KLKB1: variants seen among roughly 807,000 people sequenced by gnomAD.
The protein encoded by KLKB1 is kallikrein B1, also known as plasma kallikrein.
In KLKB1, 58 loss-of-function variants were observed where a neutral mutation model predicts 73.6. The ratio of observed to expected loss-of-function variants is 0.79; its 90% confidence interval spans 0.64 to 0.98. KLKB1 has a LOEUF of 0.98. Among genes scored for constraint, KLKB1 ranks in the 50% least tolerant of loss-of-function variants. The pLI, the probability that KLKB1 is intolerant of heterozygous loss-of-function variation, is 0.00. For missense variants in KLKB1, 737 were observed against 763.8 expected, an observed-to-expected ratio of 0.96 and a Z score of 0.41; for synonymous variants, 280 against 258.1, an observed-to-expected ratio of 1.08 and a Z score of -0.81.
intron 6 of KLKB1, among the ~76,000 whole-genome samples, chr4:186,244,809 G>A (rs1475684252): frequency 6.6e-6 from 1 of 152,194 alleles, no homozygotes; most frequent in African/African-American, 2.4e-5. Context: ...TGTAACAGGT[G>A]AGTGATAACA....
chr4:186,251,579 A>C lies in KLKB1; in HGVS notation c.961A>C (p.Thr321Pro). Residue 321 changes from threonine to proline, a missense_variant, in exon 9 of 15, where the codon ACT becomes CCT. By Grantham distance (38) the Thr-to-Pro change is conservative (BLOSUM62 -1). Transcript: ENST00000264690. ...TAAAGGAGTGAATGTTTGCCAAGAGACTTGCACAAAGATGATTCGCTGTCA... is the reference window on the plus strand; with the variant it reads ...TAAAGGAGTGAATGTTTGCCAAGAGCCTTGCACAAAGATGATTCGCTGTCA... ...FVKGVNVCQE[T>P]CTKMIRCQFF... is the part of the protein sequence containing the mutation. The C allele has an allele frequency of 6.2e-7, 1 of 1,614,032 alleles. No individual in the cohort carries two copies. Among genetic ancestry groups the C allele is most frequent in the East Asian group, 2.2e-5 (1 of 44,866 alleles).
At chr4:186,254,803 C>T (rs1738897883) in intron 12 of KLKB1, 40 bp downstream of exon 12, 1 of 1,538,924 alleles carries the variant, frequency 6.5e-7, no homozygotes, top group African/African-American at 1.4e-5. Flanking sequence ...CAGAATTGCG[C>T]TGGTTGATAT....
chr4:186,226,662 G>T (rs957280405), upstream of KLKB1, among the ~76,000 whole-genome samples: 1 of 152,234 alleles, frequency 6.6e-6, no homozygotes, highest in African/African-American at 2.4e-5. Context: ...AGTTCATGGG[G>T]ATAGGCCTGT....
At chr4:186,228,094 G>T in intron 1 of KLKB1, 101 bp from the exon 2 acceptor site, 1 of 743,524 alleles carries the variant, frequency 1.3e-6, no homozygotes. Context: ...GCTTTGTCTT[G>T]CAATTCAGAC....
At chr4:186,243,193 G>A (rs1261090504) in intron 6 of KLKB1, among the ~76,000 whole-genome samples, 2 of 122,098 alleles carry the variant, frequency 1.6e-5, no homozygotes, top group Non-Finnish European at 3.8e-5. Flanking sequence ...AGGAGGAGTG[G>A]AGTAGCAGAT....
intron 2 of KLKB1, among the ~76,000 whole-genome samples, chr4:186,215,454 C>T (rs1468117371): frequency 6.9e-6 from 1 of 144,854 alleles, no homozygotes; most frequent in African/African-American, 2.5e-5. Context: ...TGCTTGCTTT[C>T]CTTTTTTTTT....
chr4:186,238,129 A>T, intron 5 of KLKB1, 127 bp from the exon 6 acceptor site: 1 of 720,490 alleles, frequency 1.4e-6, no homozygotes, highest in Non-Finnish European at 2.5e-6. Context: ...AATAATGCAG[A>T]CCCCTAACCC....
At chr4:186,244,692 G>C (rs1057361603) in intron 6 of KLKB1, among the ~76,000 whole-genome samples, 3 of 152,180 alleles carry the variant, frequency 2.0e-5, no homozygotes, top group Admixed American at 2.0e-4. Flanking sequence ...AAGACAATTT[G>C]GTTAATGAGG....
chr4:186,245,820 TTTGG>T lies in KLKB1; in HGVS notation c.599-4420_599-4417del, dbSNP rs1295273241. Among the ~76,000 whole-genome samples, 252 of 115,732 alleles carry T rather than the reference TTTGG, an allele frequency of 2.2e-3. 40 individuals carry two copies. Among genetic ancestry groups the T allele is most frequent in the Middle Eastern group, 4.8e-3 (1 of 208 alleles). 75.9% of individuals were successfully genotyped at this position (115,732 alleles called of 152,430 possible). ...TTTTGGAGTTTTTTTTTGTTTGTTT[TTTGG>T]TTTTTTTTTTTTAATGTCAGGAGCT... On this transcript the variant is annotated intron_variant, in intron 6 of 14. Transcript: ENST00000264690.
At chr4:186,234,238 T>C (rs1351865449) in intron 4 of KLKB1, among the ~76,000 whole-genome samples, 180 bp downstream of exon 4, 1 of 152,198 alleles carries the variant, frequency 6.6e-6, no homozygotes, top group African/African-American at 2.4e-5. Flanking sequence ...TCTATTGTCT[T>C]TATAAATCAA....
At position 186,254,780 on chromosome 4, in the gene KLKB1, A is replaced by G; in HGVS notation, c.1489+17A>G. The G allele has an allele frequency of 6.2e-7, 1 of 1,600,798 alleles. No homozygotes were observed. The highest frequency in any genetic ancestry group is 8.6e-7 in the Non-Finnish European group (1 of 1,168,028). Reference sequence around the variant, plus strand: ...ATTACACTGGTATGTAGCATATGTAAGAAGGTGGAGAGCAGAATTGCGCTG... The same window carrying G: ...ATTACACTGGTATGTAGCATATGTAGGAAGGTGGAGAGCAGAATTGCGCTG... On this transcript the variant is annotated intron_variant, in intron 12 of 14. Coordinates refer to ENST00000264690, the MANE Select transcript of KLKB1 (RefSeq NM_000892.5).
intron 12 of KLKB1, among the ~76,000 whole-genome samples, chr4:186,255,236 T>G (rs997191529): frequency 6.6e-6 from 1 of 152,096 alleles, no homozygotes; most frequent in African/African-American, 2.4e-5. Flanking sequence ...GGAGGGTCAT[T>G]GCTGCCAGGA....
At chr4:186,242,695 G>A (rs992210014) in intron 6 of KLKB1, among the ~76,000 whole-genome samples, 3 of 152,168 alleles carry the variant, frequency 2.0e-5, no homozygotes, top group African/African-American at 7.2e-5. Flanking sequence ...ATTAGAGAGT[G>A]CCTAAGGGGG....
At chr4:186,230,811 T>A (rs1045568618) in intron 2 of KLKB1, among the ~76,000 whole-genome samples, 1 of 152,184 alleles carries the variant, frequency 6.6e-6, no homozygotes, top group Non-Finnish European at 1.5e-5. Flanking sequence ...TGCTTGATAA[T>A]TATGAGTCAG....
intron 7 of KLKB1, chr4:186,250,942 TTTTG>T (rs1308461389): frequency 1.8e-5 from 8 of 442,812 alleles, no homozygotes; most frequent in South Asian, 2.6e-5. Flanking sequence ...TCTTTGATTT[TTTTG>T]TTTGTTTTTC....
At position 186,251,557 on chromosome 4, in the gene KLKB1, A is replaced by G. The variant is rs145225796; in HGVS notation, c.939A>G (p.Lys313=). The G allele has an allele frequency of 6.2e-6, 10 of 1,613,922 alleles. No homozygotes were observed. The African/African-American group carries it at 1.3e-4, about 22-fold the overall frequency. The change falls in exon 9 of 15, where the codon AAA becomes AAG. Residue 313 remains lysine, a synonymous_variant. Transcript: ENST00000264690. ...GGEELNVTFV[K]GVNVCQETCT... ...AAGAATTGAATGTGACTTTTGTTAA[A>G]GGAGTGAATGTTTGCCAAGAGACTT...
upstream of KLKB1, among the ~76,000 whole-genome samples, chr4:186,222,875 T>C (rs1737060732): frequency 6.6e-6 from 1 of 152,190 alleles, no homozygotes; most frequent in African/African-American, 2.4e-5. Flanking sequence ...TCTGGTGATA[T>C]GATTTGTTCC....
At chr4:186,233,441 G>A (rs528284069) in intron 3 of KLKB1, among the ~76,000 whole-genome samples, 1 of 152,320 alleles carries the variant, frequency 6.6e-6, no homozygotes, top group South Asian at 2.1e-4. Context: ...AACTCAGATT[G>A]TATGTGAGGA....
chr4:186,221,868 C>T (rs1057297647), upstream of KLKB1, among the ~76,000 whole-genome samples: 14 of 152,144 alleles, frequency 9.2e-5, no homozygotes, highest in African/African-American at 3.4e-4. Context: ...GTGATCTATT[C>T]ATTGTTGAAA....
Sources: gnomAD v4.1 joint callset for allele counts (sites outside exome capture counted in the v4.1 genomes callset) on GRCh38, gnomAD v4.1.1 for gene constraint, MANE v1.5 for transcripts, NCBI Gene and HGNC (gene_info 2026-07-23, HGNC 2026-07-21) for gene names.